THSD7A: variants seen among roughly 807,000 people sequenced by gnomAD.
THSD7A encodes thrombospondin type-1 domain-containing protein 7A.
Under a neutral mutation model 231.3 loss-of-function variants are expected in THSD7A, and 96 were observed. That is an observed-to-expected ratio of 0.41 (90% CI 0.35 to 0.49). The LOEUF is 0.49. THSD7A is among the 20% of genes least tolerant of loss of function. The pLI is 0.05. For synonymous variants in THSD7A, 940 were observed against 743.3 expected (o/e 1.26, Z -4.30); for missense variants, 2,290 against 2,070.2 (o/e 1.11, Z -2.06).
At chr7:11,620,858 G>A (rs148363741) in intron 2 of THSD7A, among the ~76,000 whole-genome samples, 2 of 152,256 alleles carry the variant, frequency 1.3e-5, no homozygotes, top group East Asian at 3.9e-4. Context: ...GTCCCCGATA[G>A]ACAATAAAAG....
intron 1 of THSD7A, among the ~76,000 whole-genome samples, chr7:11,727,567 T>C (rs1161650826): frequency 6.6e-6 from 1 of 151,774 alleles, no homozygotes; most frequent in African/African-American, 2.4e-5. Context: ...AAATAATTGA[T>C]AAAAACTCTT....
At chr7:11,415,895 T>C (rs991513980) in intron 17 of THSD7A, among the ~76,000 whole-genome samples, 1 of 152,188 alleles carries the variant, frequency 6.6e-6, no homozygotes, top group African/African-American at 2.4e-5. Context: ...CTCACTTCTG[T>C]ACATCATTTT....
At chr7:11,583,829 C>A (rs1314691258) in intron 4 of THSD7A, among the ~76,000 whole-genome samples, 2 of 152,082 alleles carry the variant, frequency 1.3e-5, no homozygotes, top group African/African-American at 4.8e-5. Context: ...AATTTCTCAG[C>A]TTTGCAGTTT....
rs193148235 is a variant in THSD7A at position 11,628,401 on chromosome 7, G to C, written c.1022+7729C>G. 4.6e-5 allele frequency among the ~76,000 whole-genome samples: 7 copies of C among 152,150 alleles called. No homozygotes were observed. The East Asian group carries it at 1.4e-3, about 29-fold the overall frequency. ...AATTCTCAGTGCCTTTGCTCTTTTT[G>C]TTCCCATATTCTTTGGCCATCTCCA... On this transcript the variant is annotated intron_variant, in intron 2 of 27. Transcript: ENST00000423059.
intron 23 of THSD7A, among the ~76,000 whole-genome samples, chr7:11,388,426 T>C (rs1782849664): frequency 6.6e-6 from 1 of 152,184 alleles, no homozygotes; most frequent in Non-Finnish European, 1.5e-5. Context: ...TTGGAGGATG[T>C]ATGTGTCCAG....
intron 1 of THSD7A, among the ~76,000 whole-genome samples, chr7:11,775,335 T>C (rs998915158): frequency 6.6e-6 from 1 of 152,112 alleles, no homozygotes; most frequent in Non-Finnish European, 1.5e-5. Context: ...TACCCAGCAA[T>C]TCCATCTTTG....
intron 2 of THSD7A, among the ~76,000 whole-genome samples, chr7:11,596,507 G>T (rs950039152): frequency 3.9e-5 from 6 of 152,152 alleles, no homozygotes; most frequent in Non-Finnish European, 8.8e-5. Flanking sequence ...CCCCACATTG[G>T]CTCCCTGACT....
At chr7:11,641,493 A>G (rs916555402) in intron 1 of THSD7A, among the ~76,000 whole-genome samples, 3 of 152,290 alleles carry the variant, frequency 2.0e-5, no homozygotes, top group African/African-American at 7.2e-5. Flanking sequence ...AGAAAAGCAT[A>G]TGTTATAAAT....
In THSD7A at chr7:11,636,911, T is replaced by C. The variant is rs999858862; in HGVS notation, c.241A>G (p.Thr81Ala). The C allele has an allele frequency of 2.5e-6, 4 of 1,613,296 alleles. No homozygotes were observed. Among genetic ancestry groups the C allele is most frequent in the Non-Finnish European group, 3.4e-6 (4 of 1,179,888 alleles). ...ACATGAGCACACCACACAGCCCTCG[T>C]TTGGATGCCTCCGGGACCACATTCA... is the stretch of plus-strand genomic sequence containing the variant. ...GDECGPGGIQ[T>A]RAVWCAHVEG... Residue 81 changes from threonine to alanine, a missense_variant, in exon 2 of 28, where the codon ACG (threonine) becomes GCG (alanine). Transcript: ENST00000423059. The surrounding 1 kb of genome is among the most constrained non-coding windows in gnomAD (Gnocchi z 10.0).
At chr7:11,485,364 C>G (rs1326424117) in intron 6 of THSD7A, among the ~76,000 whole-genome samples, 1 of 152,150 alleles carries the variant, frequency 6.6e-6, no homozygotes. Flanking sequence ...ATAGCATTTG[C>G]TTCTCTGTGG....
chr7:11,542,866 A>G, intron 5 of THSD7A, 96 bp downstream of exon 5: 1 of 1,345,898 alleles, frequency 7.4e-7, no homozygotes, highest in African/African-American at 1.5e-5. Flanking sequence ...TCTGGAAAAT[A>G]CCACAAACAA....
At chr7:11,818,382 A>T (rs140358948) in intron 1 of THSD7A, among the ~76,000 whole-genome samples, 1 of 152,340 alleles carries the variant, frequency 6.6e-6, no homozygotes, top group East Asian at 1.9e-4. Flanking sequence ...ATAGTGTACT[A>T]TATTTCTATT....
At chr7:11,827,918 T>G (rs78985862) in intron 1 of THSD7A, among the ~76,000 whole-genome samples, 4,629 of 152,244 alleles carry the variant, frequency 0.03, 102 homozygotes, top group South Asian at 0.08. Context: ...TTGATGGCAT[T>G]TTCCTACTTT....
intron 6 of THSD7A, among the ~76,000 whole-genome samples, chr7:11,485,727 T>C (rs13227804): frequency 0.34 from 51,663 of 152,068 alleles, 9,373 homozygotes; most frequent in Admixed American, 0.44. Flanking sequence ...CAGTAAATAA[T>C]AGATAAGGCT....
At chr7:11,610,278 G>C (rs1053469175) in intron 2 of THSD7A, among the ~76,000 whole-genome samples, 1 of 152,040 alleles carries the variant, frequency 6.6e-6, no homozygotes, top group African/African-American at 2.4e-5. Flanking sequence ...TCCCCTATCA[G>C]ACTTTCACTC....
At chr7:11,696,633 A>G (rs538145624) in intron 1 of THSD7A, among the ~76,000 whole-genome samples, 3 of 150,816 alleles carry the variant, frequency 2.0e-5, no homozygotes, top group African/African-American at 7.3e-5. Context: ...GTGAACTCCC[A>G]TTCACAGTTG....
chr7:11,519,482 G>C (rs1027448856), intron 6 of THSD7A, among the ~76,000 whole-genome samples: 1 of 152,160 alleles, frequency 6.6e-6, no homozygotes, highest in African/African-American at 2.4e-5. Context: ...CACTTCGCTA[G>C]GTACTGGCAC....
intron 2 of THSD7A, among the ~76,000 whole-genome samples, chr7:11,600,011 C>T (rs1780496440): frequency 1.3e-5 from 2 of 152,124 alleles, no homozygotes; most frequent in South Asian, 4.2e-4. Flanking sequence ...GAACATCAGA[C>T]TCCAAGTTTT....
At chr7:11,485,015 C>T (rs1216360408) in intron 6 of THSD7A, among the ~76,000 whole-genome samples, 1 of 150,690 alleles carries the variant, frequency 6.6e-6, no homozygotes, top group Non-Finnish European at 1.5e-5. Flanking sequence ...CTCAGCCTCC[C>T]ATGTAGCTGG....
Sources: allele counts gnomAD v4.1 joint callset (sites outside exome capture counted in the v4.1 genomes callset), GRCh38; gene constraint gnomAD v4.1.1; non-coding constraint Gnocchi (gnomAD v3.1); transcripts MANE v1.5; gene names NCBI Gene and HGNC (gene_info 2026-07-23, HGNC 2026-07-21).